The following BICD1 variants were observed in gnomAD, a reference collection of about 807,000 sequenced individuals.
BICD1 encodes the protein protein bicaudal D homolog 1.
Under a neutral mutation model 92.5 loss-of-function variants are expected in BICD1, and 35 were observed. That is an observed-to-expected ratio of 0.38 (90% CI 0.29 to 0.50). The LOEUF is 0.50. BICD1 is among the 20% of genes least tolerant of loss of function. BICD1 has a pLI of 0.93. For synonymous variants in BICD1, 429 were observed against 465.1 expected (o/e 0.92, Z 1.00); for missense variants, 950 against 1,189.8 (o/e 0.80, Z 2.97).
chr12:32,370,323 C>T (rs544330219), intron 9 of BICD1, among the ~76,000 whole-genome samples: 5 of 149,856 alleles, frequency 3.3e-5, no homozygotes, highest in African/African-American at 7.4e-5. Flanking sequence ...GCTGAGATCA[C>T]GCCACTGCAT....
intron 8 of BICD1, among the ~76,000 whole-genome samples, chr12:32,358,654 T>TGGTG (rs1939210185): frequency 6.6e-6 from 1 of 151,972 alleles, no homozygotes; most frequent in African/African-American, 2.4e-5. Flanking sequence ...GGAGAATCAC[T>TGGTG]TGAACCCGGG....
intron 2 of BICD1, among the ~76,000 whole-genome samples, chr12:32,251,473 T>G (rs1946519872): frequency 7.9e-6 from 1 of 126,768 alleles, no homozygotes; most frequent in East Asian, 2.4e-4. Flanking sequence ...GGTTTCTTCC[T>G]GGAGGCTCTA....
rs542084682 is a variant in BICD1, at chr12:32,299,116, A to G, written c.579+4970A>G. Among the ~76,000 whole-genome samples, 216 of 152,314 alleles carry G rather than the reference A, an allele frequency of 1.4e-3. 1 individual carries two copies. Among genetic ancestry groups the G allele is most frequent in the African/African-American group, 5.1e-3 (210 of 41,572 alleles). ...GGTTTGGCAACACAGGGATAGATTA[A>G]GATCTTTAGAGTTCCTAAGCTCTGA... On this transcript the variant is annotated intron_variant, in intron 3 of 9. Coordinates refer to ENST00000652176, the MANE Select transcript of BICD1 (RefSeq NM_001714.4).
At chr12:32,187,936 A>G (rs1944464940) in intron 1 of BICD1, among the ~76,000 whole-genome samples, 1 of 138,166 alleles carries the variant, frequency 7.2e-6, no homozygotes, top group Non-Finnish European at 1.6e-5. Context: ...GGAATCTACT[A>G]TAAATGCATT....
At chr12:32,334,416 T>C in intron 5 of BICD1, 100 bp from the exon 6 acceptor site, 5 of 1,247,056 alleles carry the variant, frequency 4.0e-6, no homozygotes, top group Non-Finnish European at 2.1e-6. Flanking sequence ...TCAATTTCAC[T>C]TTCCTTTTAT....
chr12:32,240,226 T>G (rs1002134508), intron 2 of BICD1, among the ~76,000 whole-genome samples: 1 of 152,208 alleles, frequency 6.6e-6, no homozygotes, highest in Non-Finnish European at 1.5e-5. Context: ...CATATTAATT[T>G]TTTATGGCTG....
chr12:32,108,132 G>A (rs981921960), intron 1 of BICD1: 5 of 226,502 alleles, frequency 2.2e-5, no homozygotes, highest in Non-Finnish European at 2.7e-5. Flanking sequence ...TGATCCCACT[G>A]CCTTGATTTC....
At chr12:32,196,655 T>C (rs1012879082) in intron 1 of BICD1, among the ~76,000 whole-genome samples, 2 of 152,148 alleles carry the variant, frequency 1.3e-5, no homozygotes, top group Non-Finnish European at 2.9e-5. Flanking sequence ...TTAGTCAGAG[T>C]GTACAAACTT....
intron 2 of BICD1, among the ~76,000 whole-genome samples, chr12:32,288,464 G>A (rs1044820240): frequency 2.6e-5 from 4 of 151,754 alleles, no homozygotes; most frequent in Non-Finnish European, 5.9e-5. Flanking sequence ...TGCCCAGGCT[G>A]GTCTCAAACT....
At chr12:32,288,995 A>C (rs1947654225) in intron 2 of BICD1, among the ~76,000 whole-genome samples, 1 of 152,242 alleles carries the variant, frequency 6.6e-6, no homozygotes, top group Admixed American at 6.5e-5. Context: ...GGTCAAGCAC[A>C]TTATGAGATT....
At chr12:32,123,596 G>T (rs1565531112) in intron 1 of BICD1, among the ~76,000 whole-genome samples, 1 of 152,192 alleles carries the variant, frequency 6.6e-6, no homozygotes, top group Non-Finnish European at 1.5e-5. Flanking sequence ...GCCAGTTGTG[G>T]TCGGGCACAG....
At chr12:32,374,746 T>G (rs1939870550) in intron 9 of BICD1, among the ~76,000 whole-genome samples, 1 of 128,512 alleles carries the variant, frequency 7.8e-6, no homozygotes, top group African/African-American at 3.0e-5. Context: ...TTTTTTTTTT[T>G]TTTTTTTTTT....
At chr12:32,162,798 C>T (rs1467500973) in intron 1 of BICD1, among the ~76,000 whole-genome samples, 2 of 151,994 alleles carry the variant, frequency 1.3e-5, no homozygotes, top group Non-Finnish European at 2.9e-5. Context: ...GCCTGGGCAA[C>T]ATAGCAAGAC....
In BICD1 at chr12:32,222,094, T is replaced by C. The variant is rs544126023; in HGVS notation, c.426+5635T>C. Among the ~76,000 whole-genome samples, 3 of 152,344 alleles carry C rather than the reference T, an allele frequency of 2.0e-5. No individual in the cohort carries two copies. In the East Asian group the frequency reaches 5.8e-4, roughly 29 times the overall value. On this transcript the variant is annotated intron_variant, in intron 2 of 9. Coordinates refer to ENST00000652176, the MANE Select transcript of BICD1 (RefSeq NM_001714.4). ...CTTAATACTACTTAATTCTCCCAAT[T>C]ACTAGCTAATGTCTCAAATATAAGA...
At chr12:32,270,973 C>T (rs1349796486) in intron 2 of BICD1, among the ~76,000 whole-genome samples, 1 of 152,128 alleles carries the variant, frequency 6.6e-6, no homozygotes, top group Non-Finnish European at 1.5e-5. Flanking sequence ...AGCCGCTGGC[C>T]AGCCGGAAGC....
intron 1 of BICD1, among the ~76,000 whole-genome samples, chr12:32,169,093 G>A (rs1943859744): frequency 1.3e-5 from 2 of 152,168 alleles, no homozygotes; most frequent in Admixed American, 1.3e-4. Flanking sequence ...TTCTGTAGTA[G>A]AAGGTGGGCT....
Position 32,327,454 on chromosome 12 carries a change from A to C in BICD1, c.1006-7A>C. 1 of 1,589,498 alleles carries C rather than the reference A, an allele frequency of 6.3e-7. No individual in the cohort carries two copies. The highest frequency in any genetic ancestry group is 2.2e-5 in the East Asian group (1 of 44,484). On this transcript the variant is annotated splice_polypyrimidine_tract_variant and splice_region_variant and intron_variant, in intron 4 of 9. Transcript: ENST00000652176. Reference sequence around the variant, plus strand: ...GGTGATTCAGAAACTTTCTTTTGCCATTGCAGGTAGAGCGGGAAAAGGCCA... The same window carrying C: ...GGTGATTCAGAAACTTTCTTTTGCCCTTGCAGGTAGAGCGGGAAAAGGCCA...
chr12:32,337,556 G>A lies in BICD1; in HGVS notation c.2310G>A (p.Glu770=). ...DEMQRQLAAA[E]DEKKTLNTLL... ...TGCAGAGACAGTTAGCAGCTGCAGA[G>A]GATGAGAAGAAGACTCTGAACACTT... is the stretch of plus-strand genomic sequence containing the variant. The change falls in exon 7 of 10, where the codon GAG becomes GAA. Residue 770 remains glutamate (E), a synonymous_variant. Coordinates refer to ENST00000652176, the MANE Select transcript of BICD1 (RefSeq NM_001714.4). This position sits in a 1 kb window ranked among gnomAD's most constrained non-coding sequence, Gnocchi z 4.7. 6.2e-7 allele frequency: 1 copy of A among 1,614,156 alleles called. No homozygotes were observed. Among genetic ancestry groups the A allele is most frequent in the Non-Finnish European group, 8.5e-7 (1 of 1,180,024 alleles).
chr12:32,326,196 A>G (rs1447216673), intron 4 of BICD1, among the ~76,000 whole-genome samples: 1 of 152,058 alleles, frequency 6.6e-6, no homozygotes, highest in African/African-American at 2.4e-5. Flanking sequence ...ATTTTTTAAA[A>G]AGAAGAAGAA....
Sources: allele counts gnomAD v4.1 joint callset (sites outside exome capture counted in the v4.1 genomes callset), GRCh38; gene constraint gnomAD v4.1.1; non-coding constraint Gnocchi (gnomAD v3.1); transcripts MANE v1.5; gene names NCBI Gene and HGNC (gene_info 2026-07-23, HGNC 2026-07-21).